Variants in ECE1 observed in about 807,000 individuals in gnomAD.
ECE1 encodes the protein endothelin-converting enzyme 1.
Under a neutral mutation model 98.6 loss-of-function variants are expected in ECE1, and 35 were observed. That is an observed-to-expected ratio of 0.35 (90% confidence interval 0.27 to 0.47). The LOEUF (loss-of-function observed/expected upper bound fraction) is 0.47. ECE1 is among the 20% of genes least tolerant of loss of function. The probability of loss-of-function intolerance (pLI) is 1.00; values close to 1 mark genes in which losing one functional copy is unlikely to be tolerated. For synonymous variants in ECE1, 394 were observed against 407.1 expected (o/e 0.97, Z 0.39); for missense variants, 814 against 1,025.3 (o/e 0.79, Z 2.81).
At chr1:21,230,438 G>A (rs938080970) in intron 14 of ECE1, among the ~76,000 whole-genome samples, 5 of 152,066 alleles carry the variant, frequency 3.3e-5, no homozygotes, top group Non-Finnish European at 7.4e-5. Context: ...GGGCAATTGG[G>A]GTGCAGTGGC....
At position 21,219,922 on chromosome 1, in the gene ECE1, C is replaced by A. The variant is rs772481878; in HGVS notation, c.*33G>T. 8.1e-6 allele frequency: 13 copies of A among 1,613,098 alleles called. No homozygotes were observed. The East Asian group carries it at 2.9e-4, about 36-fold the overall frequency. ...TGGGGGTCTCGTCCTCAGCCCCTTCCCCTCCTCCGTCTTGGCTCTCTCCGC... is the reference window on the plus strand; with the variant it reads ...TGGGGGTCTCGTCCTCAGCCCCTTCACCTCCTCCGTCTTGGCTCTCTCCGC... On this transcript the variant is annotated 3_prime_UTR_variant, in exon 19 of 19. Coordinates refer to ENST00000374893, the MANE Select transcript of ECE1 (RefSeq NM_001397.3). This position sits in a 1 kb window ranked among gnomAD's most constrained non-coding sequence, Gnocchi z 4.5.
At position 21,225,506 on chromosome 1, in the gene ECE1, C is replaced by T. The variant is rs2098172954; in HGVS notation, c.1850-66G>A. ...GCACAGCAGGGACCTGCTGCTCCTC[C>T]CTGCTCCTGGTGAGAAGCGGTTCAT... On this transcript the variant is annotated intron_variant, in intron 16 of 18. Coordinates refer to ENST00000374893, the MANE Select transcript of ECE1 (RefSeq NM_001397.3). The surrounding 1 kb of genome is among the most constrained non-coding windows in gnomAD (Gnocchi z 5.3). 1 of 1,566,176 alleles carries T rather than the reference C, an allele frequency of 6.4e-7. No homozygotes were observed. Among genetic ancestry groups the T allele is most frequent in the Non-Finnish European group, 8.7e-7 (1 of 1,151,584 alleles).
At chr1:21,262,907 G>A (rs951241470) in intron 4 of ECE1, among the ~76,000 whole-genome samples, 7 of 152,210 alleles carry the variant, frequency 4.6e-5, no homozygotes, top group Non-Finnish European at 8.8e-5. Flanking sequence ...GGCCGGGTGT[G>A]GGGGACAGTG....
At position 21,219,767 on chromosome 1, in the gene ECE1, C is replaced by T; in HGVS notation, c.*188G>A. 1.4e-6 allele frequency: 1 copy of T among 712,028 alleles called. No homozygotes were observed. The highest frequency in any genetic ancestry group is 2.4e-6 in the Non-Finnish European group (1 of 420,782). 44.1% of individuals were successfully genotyped at this position (712,028 alleles called of 1,614,324 possible). A position where few individuals can be genotyped will look rare whatever the true frequency, so the allele number is the denominator to read the frequency against. The stretch of plus-strand genomic sequence containing the variant: ...CGTGTGCCTGGGATGTCCGGCTCTT[C>T]ACAGGGGATCAGACTGCGGGTCACG... On this transcript the variant is annotated 3_prime_UTR_variant, in exon 19 of 19. Transcript: ENST00000374893. The surrounding 1 kb of genome is among the most constrained non-coding windows in gnomAD (Gnocchi z 4.5).
At chr1:21,296,524 A>T (rs1638359276) in intron 1 of ECE1, among the ~76,000 whole-genome samples, 1 of 152,026 alleles carries the variant, frequency 6.6e-6, no homozygotes, top group Non-Finnish European at 1.5e-5. Flanking sequence ...ACTACAAAAA[A>T]AAGAGAGAGA....
intron 1 of ECE1, among the ~76,000 whole-genome samples, chr1:21,321,759 G>T (rs1300709398): frequency 1.3e-5 from 2 of 152,150 alleles, no homozygotes; most frequent in East Asian, 1.9e-4. Flanking sequence ...GGAATTAGAG[G>T]CACGTGCCAC....
chr1:21,304,315 CAAAAAAA>C (rs71014183), intron 1 of ECE1, among the ~76,000 whole-genome samples: 600 of 48,612 alleles, frequency 0.012, 8 homozygotes, highest in African/African-American at 0.056. Context: ...GACTCCCTCT[CAAAAAAA>C]AAAAAAAAAA....
Position 21,225,895 on chromosome 1 carries a change from AT to A in ECE1, c.1850-456del, listed in dbSNP as rs1316048828. Among the ~76,000 whole-genome samples, 2 of 151,032 alleles carry A rather than the reference AT, an allele frequency of 1.3e-5. No individual in the cohort carries two copies. The highest frequency in any genetic ancestry group is 3.0e-5 in the Non-Finnish European group (2 of 67,756). ...TTTTTAGTAGAGATGGGGTCTCACC[AT>A]GTTGGCCAGGCTGGTCTTGAACTCC... On this transcript the variant is annotated intron_variant, in intron 16 of 18. Coordinates refer to ENST00000374893, the MANE Select transcript of ECE1 (RefSeq NM_001397.3). This position sits in a 1 kb window ranked among gnomAD's most constrained non-coding sequence, Gnocchi z 5.3.
chr1:21,289,192 C>T (rs553413709), intron 2 of ECE1, among the ~76,000 whole-genome samples: 282 of 152,300 alleles, frequency 1.9e-3, no homozygotes, highest in African/African-American at 6.4e-3. Context: ...TGGCAGAAGT[C>T]CTCCGAGAAT....
intron 10 of ECE1, among the ~76,000 whole-genome samples, chr1:21,239,144 T>A (rs1290851967): frequency 6.6e-6 from 1 of 152,144 alleles, no homozygotes; most frequent in Non-Finnish European, 1.5e-5. Flanking sequence ...ACCGCGGGAT[T>A]GCAATGCCTT....
chr1:21,293,010 CTT>C (rs935065114), upstream of ECE1, among the ~76,000 whole-genome samples: 1 of 152,156 alleles, frequency 6.6e-6, no homozygotes, highest in African/African-American at 2.4e-5. Context: ...GAGGAAAAGA[CTT>C]TTGAAAAAGA....
At chr1:21,338,819 G>A (rs1468600579) in intron 1 of ECE1, among the ~76,000 whole-genome samples, 1 of 152,248 alleles carries the variant, frequency 6.6e-6, no homozygotes, top group East Asian at 1.9e-4. Context: ...AGGCAGGGAG[G>A]TGGGAGGCTC....
intron 2 of ECE1, among the ~76,000 whole-genome samples, chr1:21,284,539 G>A (rs955393090): frequency 6.6e-6 from 1 of 152,218 alleles, no homozygotes; most frequent in Non-Finnish European, 1.5e-5. Flanking sequence ...GAGCGAGAGA[G>A]CTAGAGTAAG....
At chr1:21,291,428 C>T (rs972345989), upstream of ECE1, among the ~76,000 whole-genome samples, 2 of 152,248 alleles carry the variant, frequency 1.3e-5, no homozygotes, top group East Asian at 1.9e-4. Context: ...AGGGGCCTGA[C>T]GTCACAGGGA....
intron 3 of ECE1, among the ~76,000 whole-genome samples, chr1:21,277,889 G>GAAT (rs1226174214): frequency 1.3e-5 from 2 of 152,190 alleles, no homozygotes; most frequent in Non-Finnish European, 2.9e-5. Flanking sequence ...TGGAATGAAT[G>GAAT]AATACCTGTG....
At position 21,307,586 on chromosome 1, in the gene ECE1, C is replaced by T. The variant is rs1341014208; in HGVS notation, c.4-17430G>A. ...CAGCAGCAGAGGGGCCTCCAGAGGA[C>T]ATTTTCTTGCACCCCAGGAGGCATT... On this transcript the variant is annotated intron_variant, in intron 1 of 18. Transcript: ENST00000415912. The surrounding 1 kb of genome is among the most constrained non-coding windows in gnomAD (Gnocchi z 4.2). Among the ~76,000 whole-genome samples, 2 of 152,194 alleles carry T rather than the reference C, an allele frequency of 1.3e-5. No homozygotes were observed. Among genetic ancestry groups the T allele is most frequent in the African/African-American group, 4.8e-5 (2 of 41,448 alleles).
chr1:21,234,994 A>G (rs529543939), intron 13 of ECE1, among the ~76,000 whole-genome samples: 1 of 152,322 alleles, frequency 6.6e-6, no homozygotes, highest in South Asian at 2.1e-4. Context: ...GGTTCTAAAT[A>G]TAACCATGAC....
At chr1:21,271,660 T>C (rs892408935) in intron 4 of ECE1, among the ~76,000 whole-genome samples, 1 of 152,060 alleles carries the variant, frequency 6.6e-6, no homozygotes, top group African/African-American at 2.4e-5. Context: ...GGTGTCATGA[T>C]TTCACACTGG....
At chr1:21,267,492 C>T (rs2098235401) in intron 4 of ECE1, among the ~76,000 whole-genome samples, 1 of 152,178 alleles carries the variant, frequency 6.6e-6, no homozygotes, top group African/African-American at 2.4e-5. Context: ...GACTTATTCA[C>T]TATCACAAGA....
Sources: gnomAD v4.1 joint callset for allele counts (sites outside exome capture counted in the v4.1 genomes callset) on GRCh38, gnomAD v4.1.1 for gene constraint, Gnocchi (gnomAD v3.1) non-coding constraint, MANE v1.5 for transcripts, NCBI Gene and HGNC (gene_info 2026-07-23, HGNC 2026-07-21) for gene names.